LOXL3: variants seen among roughly 807,000 people sequenced by gnomAD.
LOXL3 encodes the protein lysyl oxidase like 3.
LOXL3 carries 60 observed loss-of-function variants against 91.8 expected under a neutral mutation model. The ratio of observed to expected loss-of-function variants is 0.65; its 90% CI spans 0.53 to 0.81. LOXL3 has a LOEUF of 0.81. Among genes scored for constraint, LOXL3 ranks in the 30% least tolerant of loss-of-function variants. The pLI is 0.00. For missense variants in LOXL3, 874 were observed against 1,000.4 expected (o/e 0.87, Z 1.70); for synonymous variants, 355 against 387.6 (o/e 0.92, Z 0.99).
chr2:74,551,227 C>G (rs897144953), intron 2 of LOXL3, among the ~76,000 whole-genome samples: 3 of 152,252 alleles, frequency 2.0e-5, no homozygotes, highest in Non-Finnish European at 4.4e-5. Context: ...AGCCACTGAG[C>G]CCGGCCTGAA....
intron 4 of LOXL3, among the ~76,000 whole-genome samples, chr2:74,548,479 G>T (rs1676746900): frequency 1.3e-5 from 2 of 152,120 alleles, no homozygotes; most frequent in Admixed American, 1.3e-4. Context: ...GTAGCTGGCG[G>T]CATCAGACCC....
At position 74,536,580 on chromosome 2, in the gene LOXL3, A is replaced by G. The variant is rs1353171485; in HGVS notation, c.913-109T>C. On this transcript the variant is annotated intron_variant, in intron 5 of 13. Coordinates refer to ENST00000264094, the MANE Select transcript of LOXL3 (RefSeq NM_032603.5). The surrounding 1 kb of genome is among the most constrained non-coding windows in gnomAD (Gnocchi z 4.5). ...TTGGTGGAAGGGAGTGGGTGGTATC[A>G]GGTCTGTGGCCCACCCCCTGGAAGG... is the stretch of plus-strand genomic sequence containing the variant. 29 of 1,434,316 alleles carry G rather than the reference A, an allele frequency of 2.0e-5. No individual in the cohort carries two copies. The highest frequency in any genetic ancestry group is 2.7e-5 in the Non-Finnish European group (28 of 1,045,310). 88.8% of individuals were successfully genotyped at this position (1,434,316 alleles called of 1,614,324 possible).
At chr2:74,534,839 T>A (rs148070018) in intron 9 of LOXL3, 65 bp from the exon 10 acceptor site, 42 of 1,535,718 alleles carry the variant, frequency 2.7e-5, no homozygotes, top group Middle Eastern at 4.6e-4. Flanking sequence ...GGTGCTTCCA[T>A]CCCTCCCTAG....
rs764612851 is a variant in LOXL3, at chr2:74,532,841, T to C, written c.*765A>G. 62 of 1,614,042 alleles carry C rather than the reference T, an allele frequency of 3.8e-5. No individual in the cohort carries two copies. Among genetic ancestry groups the C allele is most frequent in the Non-Finnish European group, 4.7e-5 (56 of 1,180,036 alleles). On this transcript the variant is annotated 3_prime_UTR_variant, in exon 14 of 14. Coordinates refer to ENST00000264094, the MANE Select transcript of LOXL3 (RefSeq NM_032603.5). The stretch of plus-strand genomic sequence containing the variant: ...ATAGGGCTGGTCTGCGGCCTGGTGA[T>C]GTGATTTTGGCCATTGGGGAGCAGA...
Position 74,533,600 on chromosome 2 carries a change from T to C in LOXL3, c.*6A>G. On this transcript the variant is annotated 3_prime_UTR_variant, in exon 14 of 14. Coordinates refer to ENST00000264094, the MANE Select transcript of LOXL3 (RefSeq NM_032603.5). ...GCCAGTGGTGGTTTGCAGAGGGCAG[T>C]GGCACTTAGATAATCTGGTTGCTGG... 6.2e-7 allele frequency: 1 copy of C among 1,613,858 alleles called. No homozygotes were observed. Among genetic ancestry groups the C allele is most frequent in the Non-Finnish European group, 8.5e-7 (1 of 1,179,830 alleles).
Position 74,533,226 on chromosome 2 carries a change from A to G in LOXL3, c.*380T>C. 1.8e-6 allele frequency: 1 copy of G among 568,392 alleles called. No individual in the cohort carries two copies. The highest frequency in any genetic ancestry group is 3.1e-6 in the Non-Finnish European group (1 of 320,432). 35.2% of individuals were successfully genotyped at this position (568,392 alleles called of 1,614,324 possible). A position where few individuals can be genotyped will look rare whatever the true frequency, so the allele number is the denominator to read the frequency against. ...GAGGGCTGGATCTTTTCCCCCACCA[A>G]AAGGCTAGAGGTAAAGCTGTATCCC... On this transcript the variant is annotated 3_prime_UTR_variant, in exon 14 of 14. Transcript: ENST00000264094.
chr2:74,551,978 G>A (rs147849143), intron 2 of LOXL3, among the ~76,000 whole-genome samples: 143 of 152,350 alleles, frequency 9.4e-4, no homozygotes, highest in African/African-American at 3.3e-3. Context: ...TGCTCTTAGC[G>A]TCCCATGAGA....
rs764862931 is a variant in LOXL3 at position 74,536,388 on chromosome 2, A to G, written c.996T>C (p.Cys332=). Residue 332 remains cysteine (C), a synonymous_variant, in exon 6 of 14, where the codon TGT becomes TGC. Transcript: ENST00000264094. The surrounding 1 kb of genome is among the most constrained non-coding windows in gnomAD (Gnocchi z 4.5). The stretch of plus-strand genomic sequence containing the variant: ...CTGCATGCAGGTCCCACTTGCGGTC[A>G]CAGACTGTGCCCCATGTGCTGGCCT... ...VLKASTWGTV[C]DRKWDLHAAS... 1.9e-6 allele frequency: 3 copies of G among 1,614,018 alleles called. No homozygotes were observed. Among genetic ancestry groups the G allele is most frequent in the Non-Finnish European group, 1.7e-6 (2 of 1,180,036 alleles).
intron 4 of LOXL3, among the ~76,000 whole-genome samples, chr2:74,543,056 CCT>C (rs761535333): frequency 6.6e-6 from 1 of 152,210 alleles, no homozygotes; most frequent in Non-Finnish European, 1.5e-5. Context: ...ATCTGACTGT[CCT>C]CTCTTTCCTT....
chr2:74,550,934 G>A (rs1251213150), intron 2 of LOXL3, among the ~76,000 whole-genome samples: 3 of 135,400 alleles, frequency 2.2e-5, no homozygotes, highest in African/African-American at 8.1e-5. Context: ...TCTGAAACCT[G>A]TTTTTTTTTT....
chr2:74,533,519 T>A lies in LOXL3; in HGVS notation c.*87A>T, dbSNP rs924497017. ...GGTCTGATGAGTGCGGTTGCTGACATGGGTTTCTTGGTAAGCTCCTGAGGT... is the reference window on the plus strand; with the variant it reads ...GGTCTGATGAGTGCGGTTGCTGACAAGGGTTTCTTGGTAAGCTCCTGAGGT... On this transcript the variant is annotated 3_prime_UTR_variant, in exon 14 of 14. Coordinates refer to ENST00000264094, the MANE Select transcript of LOXL3 (RefSeq NM_032603.5). The A allele has an allele frequency of 1.6e-6, 2 of 1,225,540 alleles. No homozygotes were observed. Among genetic ancestry groups the A allele is most frequent in the Non-Finnish European group, 2.4e-6 (2 of 842,698 alleles). The allele number at this position is 1,225,540 out of a possible 1,614,324, so 75.9% of individuals were successfully genotyped here. A position where few individuals can be genotyped will look rare whatever the true frequency, so the allele number is the denominator to read the frequency against.
In LOXL3 at chr2:74,541,395, G is replaced by C. The variant is rs140227457; in HGVS notation, c.693-4467C>G. Among the ~76,000 whole-genome samples the C allele has an allele frequency of 1.6e-3, 239 of 152,304 alleles. 2 individuals are homozygous for C. The highest frequency in any genetic ancestry group is 5.5e-3 in the African/African-American group (227 of 41,568). ...ATACGTATATATTTTAAACCAGTCA[G>C]AAGCTGTTTGATATTTTCTGCCTCA... On this transcript the variant is annotated intron_variant, in intron 4 of 13. Coordinates refer to ENST00000264094, the MANE Select transcript of LOXL3 (RefSeq NM_032603.5).
intron 2 of LOXL3, among the ~76,000 whole-genome samples, chr2:74,550,934 GTTTTTTTT>G (rs1030182702): frequency 1.5e-5 from 2 of 135,400 alleles, no homozygotes; most frequent in South Asian, 2.4e-4. Flanking sequence ...TCTGAAACCT[GTTTTTTTT>G]TTTTTTTTGA....
Position 74,536,660 on chromosome 2 carries a change from G to T in LOXL3, c.912+49C>A. On this transcript the variant is annotated intron_variant, in intron 5 of 13. Transcript: ENST00000264094. The surrounding 1 kb of genome is among the most constrained non-coding windows in gnomAD (Gnocchi z 4.5). ...TGCTTAGTCTGGGGTTGCCAGGCTA[G>T]GGGTTCTCCACCTGGGGTGGGAAAG... 1 of 1,587,138 alleles carries T rather than the reference G, an allele frequency of 6.3e-7. No homozygotes were observed. The highest frequency in any genetic ancestry group is 1.7e-5 in the Admixed American group (1 of 59,644).
Position 74,550,207 on chromosome 2 carries a change from A to G in LOXL3, c.455T>C (p.Phe152Ser). The G allele has an allele frequency of 2.5e-6, 4 of 1,614,012 alleles. No homozygotes were observed. The highest frequency in any genetic ancestry group is 3.4e-6 in the Non-Finnish European group (4 of 1,179,934). The change falls in exon 3 of 14, where the codon TTC (phenylalanine) becomes TCC (serine). Residue 152 changes from phenylalanine to serine, a missense_variant. Coordinates refer to ENST00000264094, the MANE Select transcript of LOXL3 (RefSeq NM_032603.5). Reference protein sequence around the residue: ...VICKDQRLPGFSDSNVIEVEH... With the variant: ...VICKDQRLPGSSDSNVIEVEH... ...GACCTCAATGACATTGGAGTCCGAG[A>G]AGCCAGGGAGGCGCTGGTCTTTGCA...
chr2:74,554,461 G>A (rs889320724), upstream of LOXL3: 11 of 491,706 alleles, frequency 2.2e-5, no homozygotes, highest in Admixed American at 1.1e-4. The surrounding 1 kb of genome is among the most constrained non-coding windows in gnomAD (Gnocchi z 4.9). Context: ...ATGACGTCAC[G>A]CGCAGCCACC....
At position 74,534,323 on chromosome 2, in the gene LOXL3, A is replaced by T. The variant is rs1246556909; in HGVS notation, c.1932T>A (p.Cys644Ter). The T allele has an allele frequency of 6.2e-7, 1 of 1,614,112 alleles. No individual in the cohort carries two copies. The highest frequency in any genetic ancestry group is 1.3e-5 in the African/African-American group (1 of 74,938). The change falls in exon 11 of 14, where the codon TGT becomes TGA. Residue 644 changes from cysteine (C) to a stop codon, truncating the protein, a stop_gained. Transcript: ENST00000264094. LOFTEE classifies it high-confidence loss of function. The part of the protein sequence containing the change: ...KASFCLEDTE[C>*]QEDVSKRYEC... Reference sequence around the variant, plus strand: ...CTTCAGTCCCCAACTCACCCTCCTGACACTCAGTGTCTTCGAGACAGAAAC... The same window carrying T: ...CTTCAGTCCCCAACTCACCCTCCTGTCACTCAGTGTCTTCGAGACAGAAAC...
rs555042148 is a variant in LOXL3 at position 74,551,285 on chromosome 2, A to G, written c.314-937T>C. On this transcript the variant is annotated intron_variant, in intron 2 of 13. Transcript: ENST00000264094. ...CCTCTCAGAATTGGGCGCAGCCTCA[A>G]AGGTCATCTGTCCTAGCCAATGTTC... is the stretch of plus-strand genomic sequence containing the variant. Among the ~76,000 whole-genome samples the G allele has an allele frequency of 3.7e-3, 570 of 152,330 alleles. 4 individuals are homozygous for G. The highest frequency in any genetic ancestry group is 7.7e-3 in the South Asian group (37 of 4,832).
intron 3 of LOXL3, 116 bp downstream of exon 3, chr2:74,550,069 C>T (rs1198802087): frequency 1.2e-5 from 18 of 1,480,758 alleles, no homozygotes; most frequent in Non-Finnish European, 1.6e-5. Context: ...TCCAAGTCTC[C>T]CACCAATCCA....
Sources: allele counts gnomAD v4.1 joint callset (sites outside exome capture counted in the v4.1 genomes callset), GRCh38; gene constraint gnomAD v4.1.1; non-coding constraint Gnocchi (gnomAD v3.1); transcripts MANE v1.5; gene names NCBI Gene and HGNC (gene_info 2026-07-23, HGNC 2026-07-21).